The following GNAS variants were observed in gnomAD, a reference collection of about 807,000 sequenced individuals.
GNAS encodes the protein protein ALEX.
GNAS carries 8 observed loss-of-function variants against 54.5 expected under a neutral mutation model. That is an observed-to-expected ratio of 0.15 (90% CI 0.09 to 0.26). The LOEUF (loss-of-function observed/expected upper bound fraction) is 0.26. GNAS is among the 10% of genes least tolerant of loss of function. GNAS has a pLI of 1.00. For missense variants in GNAS, 170 were observed against 529.8 expected, an observed-to-expected ratio of 0.32 and a Z score of 6.67; for synonymous variants, 204 against 191.4, an observed-to-expected ratio of 1.07 and a Z score of -0.54.
In GNAS at chr20:58,851,777, A is replaced by C. The variant is rs57307322; in HGVS notation, c.43+10891A>C. 2.9e-3 allele frequency among the ~76,000 whole-genome samples: 443 copies of C among 152,334 alleles called. 2 individuals are homozygous for C. The highest frequency in any genetic ancestry group is 0.01 in the African/African-American group (426 of 41,572). On this transcript the variant is annotated intron_variant, in intron 1 of 12. Transcript: ENST00000306090. Reference sequence around the variant, plus strand: ...AGTGGGCTCTAGCAGTAGAAAAGTAAAGCGACTACCCTAAGATACCCAGAG... The same window carrying C: ...AGTGGGCTCTAGCAGTAGAAAAGTACAGCGACTACCCTAAGATACCCAGAG...
Position 58,853,004 on chromosome 20 carries a change from T to TG in GNAS, c.43+12124dup, listed in dbSNP as rs2086245794. The stretch of plus-strand genomic sequence containing the variant: ...TAAGGATAGACCAAGGAAGAGGGGC[T>TG]GGGGGGCAGCCTGGGGGCATGAAAA... On this transcript the variant is annotated intron_variant, in intron 1 of 12. Transcript: ENST00000306090. The surrounding 1 kb of genome is among the most constrained non-coding windows in gnomAD (Gnocchi z 4.4). 5 of 1,282,884 alleles carry TG rather than the reference T, an allele frequency of 3.9e-6. No individual in the cohort carries two copies. The highest frequency in any genetic ancestry group is 3.8e-5 in the Admixed American group (1 of 26,454). 79.5% of individuals were successfully genotyped at this position (1,282,884 alleles called of 1,614,324 possible). A position where few individuals can be genotyped will look rare whatever the true frequency, so the allele number is the denominator to read the frequency against.
At chr20:58,855,072 C>G in intron 1 of GNAS, 3 of 1,613,354 alleles carry the variant, frequency 1.9e-6, no homozygotes, top group Non-Finnish European at 2.5e-6. Flanking sequence ...CCGCCGAAAG[C>G]CCCAGCGCAA....
chr20:58,881,811 T>C (rs995896040), intron 1 of GNAS: 2 of 152,178 alleles, frequency 1.3e-5, no homozygotes, highest in Admixed American at 1.3e-4. Flanking sequence ...GGGATAAAAA[T>C]AGATGTAATT....
chr20:58,891,562 C>T lies in GNAS; in HGVS notation c.-165C>T. 1.0e-6 allele frequency: 1 copy of T among 969,440 alleles called. No homozygotes were observed. The allele number at this position is 969,440 out of a possible 1,614,324, so 60.1% of individuals were successfully genotyped here. On this transcript the variant is annotated 5_prime_UTR_variant, in exon 1 of 13. Coordinates refer to ENST00000371085, the MANE Select transcript of GNAS (RefSeq NM_000516.7). ...TCCCCTTCCCGCCCGTCCGCGCGCC[C>T]CGCGGCCCGCGGCCCGCAGTCCGCC...
At chr20:58,855,383 G>T (rs2086432443) in intron 1 of GNAS, 1 of 1,524,872 alleles carries the variant, frequency 6.6e-7, no homozygotes, top group African/African-American at 1.4e-5. Context: ...GGGGAACCGG[G>T]GAGGGGGTGG....
intron 1 of GNAS, among the ~76,000 whole-genome samples, chr20:58,892,676 G>C (rs2089579328): frequency 6.6e-6 from 1 of 152,112 alleles, no homozygotes; most frequent in East Asian, 1.9e-4. Flanking sequence ...CCCGGGCCAG[G>C]CCGGGCCGTG....
upstream of GNAS, chr20:58,889,252 C>T (rs1311808768): frequency 9.2e-7 from 1 of 1,082,344 alleles, no homozygotes; most frequent in Admixed American, 4.6e-5. Flanking sequence ...TCTCTGGCTC[C>T]GGGCTGCGGC....
chr20:58,889,425 G>C, upstream of GNAS: 1 of 966,848 alleles, frequency 1.0e-6, no homozygotes, highest in Non-Finnish European at 1.2e-6. Context: ...CGCCGGGTCC[G>C]GGACAAGGCA....
chr20:58,868,022 C>CTTTT (rs370255144), intron 1 of GNAS, among the ~76,000 whole-genome samples: 4,944 of 132,412 alleles, frequency 0.037, 129 homozygotes, highest in African/African-American at 0.073. Flanking sequence ...TTCTTTCTTT[C>CTTTT]TTTTTTTTTT....
upstream of GNAS, chr20:58,889,256 C>CT (rs1379323683): frequency 1.9e-5 from 20 of 1,075,200 alleles, no homozygotes; most frequent in Non-Finnish European, 2.3e-5. Flanking sequence ...TGGCTCCGGG[C>CT]TGCGGCGCGG....
Position 58,855,083 on chromosome 20 carries a change from C to T in GNAS, c.43+14197C>T, listed in dbSNP as rs1207584135. The T allele has an allele frequency of 1.2e-6, 2 of 1,613,510 alleles. No homozygotes were observed. The highest frequency in any genetic ancestry group is 3.3e-5 in the Admixed American group (2 of 60,036). ...GCCGCCGCCGAAAGCCCCAGCGCAA[C>T]TTACTCCGCAACTTTCTCGTGCAAG... On this transcript the variant is annotated intron_variant, in intron 1 of 12. Coordinates refer to the GNAS transcript ENST00000306090.
At position 58,841,493 on chromosome 20, in the gene GNAS, CAATT is replaced by C. The variant is rs2085726328; in HGVS notation, c.43+610_43+613del. 1 of 991,220 alleles carries C rather than the reference CAATT, an allele frequency of 1.0e-6. No individual in the cohort carries two copies. The highest frequency in any genetic ancestry group is 1.2e-6 in the Non-Finnish European group (1 of 834,146). 61.4% of individuals were successfully genotyped at this position (991,220 alleles called of 1,614,324 possible). On this transcript the variant is annotated intron_variant, in intron 1 of 12. Coordinates refer to the GNAS transcript ENST00000306090. The surrounding 1 kb of genome is among the most constrained non-coding windows in gnomAD (Gnocchi z 5.0). ...GCCGGAGCCCAGGTCCCAGAGCTGACAATTAAGCCGCGGGACCTCCGCGCCAGTG... is the reference window on the plus strand; with the variant it reads ...GCCGGAGCCCAGGTCCCAGAGCTGACAAGCCGCGGGACCTCCGCGCCAGTG...
Position 58,909,775 on chromosome 20 carries a change from G to A in GNAS, c.810G>A (p.Leu270=). The change falls in exon 10 of 13, where the codon CTG becomes CTA. Residue 270 remains leucine (L), a synonymous_variant. Coordinates refer to ENST00000371085, the MANE Select transcript of GNAS (RefSeq NM_000516.7). This position sits in a 1 kb window ranked among gnomAD's most constrained non-coding sequence, Gnocchi z 7.3. ...DNQTNRLQEA[L]NLFKSIWNNR... ...AGACCAACCGCCTGCAGGAGGCTCTGAACCTCTTCAAGAGCATCTGGAACA... is the reference window on the plus strand; with the variant it reads ...AGACCAACCGCCTGCAGGAGGCTCTAAACCTCTTCAAGAGCATCTGGAACA... 1.2e-6 allele frequency: 2 copies of A among 1,613,866 alleles called. No individual in the cohort carries two copies. Among genetic ancestry groups the A allele is most frequent in the Non-Finnish European group, 1.7e-6 (2 of 1,179,998 alleles).
In GNAS at chr20:58,909,186, C is replaced by T. The variant is rs8620; in HGVS notation, c.555C>T (p.Ile185=). Residue 185 remains isoleucine, a synonymous_variant, in exon 7 of 13, where the codon ATC becomes ATT. Coordinates refer to ENST00000371085, the MANE Select transcript of GNAS (RefSeq NM_000516.7). The surrounding 1 kb of genome is among the most constrained non-coding windows in gnomAD (Gnocchi z 7.3). ...AQYFLDKIDV[I]KQADYVPSDQ... Reference sequence around the variant, plus strand: ...GCTTCCTGGACAAGATCGACGTGATCAAGCAGGCTGACTATGTGCCGAGCG... The same window carrying T: ...GCTTCCTGGACAAGATCGACGTGATTAAGCAGGCTGACTATGTGCCGAGCG... The T allele has an allele frequency of 0.024, 38,883 of 1,613,874 alleles. 2,621 individuals are homozygous for T. In the African/African-American group the frequency reaches 0.25, roughly 10 times the overall value.
chr20:58,880,835 T>C (rs754900417), intron 1 of GNAS, among the ~76,000 whole-genome samples: 2 of 152,212 alleles, frequency 1.3e-5, no homozygotes, highest in Non-Finnish European at 2.9e-5. Context: ...TTCTATCCTT[T>C]AGTCATAGTT....
chr20:58,896,557 A>T (rs1304029954), intron 2 of GNAS, among the ~76,000 whole-genome samples: 3 of 152,114 alleles, frequency 2.0e-5, no homozygotes, highest in Admixed American at 1.3e-4. Flanking sequence ...TAAATCGGGG[A>T]ACTTGCTTTT....
rs1464792838 is a variant in GNAS, at chr20:58,857,010, A to G, written c.43+16124A>G. Reference sequence around the variant, plus strand: ...CATTTAAACAAAGCATCAATTAGCAATGGTCTGAATATGTGGTTTAAATGA... The same window carrying G: ...CATTTAAACAAAGCATCAATTAGCAGTGGTCTGAATATGTGGTTTAAATGA... On this transcript the variant is annotated intron_variant, in intron 1 of 12. Transcript: ENST00000306090. This position sits in a 1 kb window ranked among gnomAD's most constrained non-coding sequence, Gnocchi z 4.1. 2 of 152,146 alleles carry G rather than the reference A, an allele frequency of 1.3e-5. No individual in the cohort carries two copies. The highest frequency in any genetic ancestry group is 4.8e-5 in the African/African-American group (2 of 41,426). 9.4% of individuals were successfully genotyped at this position (152,146 alleles called of 1,614,324 possible). A position where few individuals can be genotyped will look rare whatever the true frequency, so the allele number is the denominator to read the frequency against.
chr20:58,841,787 TGGCCA>T lies in GNAS; in HGVS notation c.43+905_43+909del, dbSNP rs1229804304. On this transcript the variant is annotated intron_variant, in intron 1 of 12. Transcript: ENST00000306090. The surrounding 1 kb of genome is among the most constrained non-coding windows in gnomAD (Gnocchi z 5.0). ...CAAGCTTTTGGCGCAGCTGGTCGGGTGGCCAGGCTGCATGCGGCTTAGCAGGAGAC... is the reference window on the plus strand; with the variant it reads ...CAAGCTTTTGGCGCAGCTGGTCGGGTGGCTGCATGCGGCTTAGCAGGAGAC... 8.1e-7 allele frequency: 1 copy of T among 1,230,474 alleles called. No homozygotes were observed. The highest frequency in any genetic ancestry group is 1.6e-5 in the African/African-American group (1 of 64,408). The allele number at this position is 1,230,474 out of a possible 1,614,324, so 76.2% of individuals were successfully genotyped here.
chr20:58,847,545 A>C (rs2085984139), intron 1 of GNAS, among the ~76,000 whole-genome samples: 1 of 152,228 alleles, frequency 6.6e-6, no homozygotes, highest in Non-Finnish European at 1.5e-5. Context: ...ATAGTTGCCT[A>C]AATTCTTTTC....
Sources: gnomAD v4.1 joint callset for allele counts (sites outside exome capture counted in the v4.1 genomes callset) on GRCh38, gnomAD v4.1.1 for gene constraint, Gnocchi (gnomAD v3.1) non-coding constraint, MANE v1.5 for transcripts, NCBI Gene and HGNC (gene_info 2026-07-23, HGNC 2026-07-21) for gene names.